Variants in TDRD12 observed in about 807,000 individuals in gnomAD.
TDRD12 encodes putative ATP-dependent RNA helicase TDRD12.
Under a neutral mutation model 133.5 loss-of-function variants are expected in TDRD12, and 158 were observed. The ratio of observed to expected loss-of-function variants is 1.18; its 90% CI spans 1.04 to 1.35. TDRD12 has a LOEUF of 1.35. Among genes scored for constraint, TDRD12 ranks in the 40% most tolerant of loss-of-function variants. The pLI, the probability that TDRD12 is intolerant of heterozygous loss-of-function variation, is 0.00. For missense variants in TDRD12, 1,443 were observed against 1,321.3 expected (o/e 1.09, Z -1.43); for synonymous variants, 460 against 477.9 (o/e 0.96, Z 0.49).
chr19:32,791,078 C>T lies in TDRD12; in HGVS notation c.1287+10C>T, dbSNP rs1971057392. The T allele has an allele frequency of 1.6e-5, 24 of 1,525,600 alleles. No individual in the cohort carries two copies. The East Asian group carries it at 5.6e-4, about 36-fold the overall frequency. The allele number at this position is 1,525,600 out of a possible 1,614,324, so 94.5% of individuals were successfully genotyped here. A position where few individuals can be genotyped will look rare whatever the true frequency, so the allele number is the denominator to read the frequency against. ...AGCAGACCTGAAGAAGGTAAAAGTG[C>T]TCGTAAAACTGAATTTATCAAGAAT... On this transcript the variant is annotated intron_variant, in intron 13 of 27. Coordinates refer to ENST00000444215, the Ensembl canonical transcript of TDRD12.
intron 13 of TDRD12, 45 bp downstream of exon 13, chr19:32,791,113 T>C: frequency 6.6e-7 from 1 of 1,508,024 alleles, no homozygotes; most frequent in Non-Finnish European, 8.8e-7. Context: ...TGCCAACTTT[T>C]TCTAATAGAG....
chr19:32,786,109 T>C (rs924430501), intron 11 of TDRD12, among the ~76,000 whole-genome samples: 3 of 152,224 alleles, frequency 2.0e-5, no homozygotes, highest in African/African-American at 7.2e-5. Context: ...TCAGGAGCTC[T>C]TGGAAGGCAG....
At chr19:32,731,833 A>T (rs1281429294) in exon 2 of TDRD12, 2 of 1,550,926 alleles carry the variant, frequency 1.3e-6, no homozygotes, top group African/African-American at 2.7e-5. Context: ...CTTCTACAAC[A>T]GCACGTGTCA....
chr19:32,728,354 T>C (rs1281638147), intron 1 of TDRD12, among the ~76,000 whole-genome samples: 1 of 152,152 alleles, frequency 6.6e-6, no homozygotes, highest in African/African-American at 2.4e-5. Flanking sequence ...TTGAGTAGGA[T>C]TGACATCTTA....
downstream of TDRD12, among the ~76,000 whole-genome samples, chr19:32,823,927 G>T (rs573404167): frequency 3.9e-5 from 6 of 152,200 alleles, no homozygotes; most frequent in Non-Finnish European, 8.8e-5. Flanking sequence ...GGGCCCTCGG[G>T]GGACGTCAGG....
chr19:32,744,146 C>T (rs1969518972), intron 4 of TDRD12, among the ~76,000 whole-genome samples: 1 of 151,812 alleles, frequency 6.6e-6, no homozygotes, highest in Non-Finnish European at 1.5e-5. Context: ...TTTAATCATT[C>T]CCCTCTGTGT....
At chr19:32,797,057 T>C (rs970520030) in intron 14 of TDRD12, among the ~76,000 whole-genome samples, 2 of 150,478 alleles carry the variant, frequency 1.3e-5, no homozygotes, top group African/African-American at 4.9e-5. Context: ...CTCGGCTCAC[T>C]GCAACCTCTG....
rs576209299 is a variant in TDRD12 at position 32,800,318 on chromosome 19, C to T, written c.1910C>T (p.Thr637Ile). ...ATGAATGATCCCTACATTGTGATCA[C>T]AGCCATGGAAGAGGCTGCTCTCTAT... The change falls in exon 17 of 28, where the codon ACA (threonine) becomes ATA (isoleucine). Residue 637 changes from threonine (T) to isoleucine (I), a missense_variant. Coordinates refer to ENST00000444215, the Ensembl canonical transcript of TDRD12. 1.0e-5 allele frequency: 16 copies of T among 1,526,674 alleles called. No homozygotes were observed. The East Asian group carries it at 3.9e-4, about 37-fold the overall frequency. The allele number at this position is 1,526,674 out of a possible 1,614,324, so 94.6% of individuals were successfully genotyped here.
At chr19:32,751,116 C>T (rs1444931533) in intron 6 of TDRD12, among the ~76,000 whole-genome samples, 1 of 148,280 alleles carries the variant, frequency 6.7e-6, no homozygotes, top group Non-Finnish European at 1.5e-5. Context: ...CCTCCCCACC[C>T]CCCGACAGGC....
chr19:32,745,022 A>G (rs1375232196), intron 4 of TDRD12, among the ~76,000 whole-genome samples: 1 of 152,164 alleles, frequency 6.6e-6, no homozygotes, highest in Non-Finnish European at 1.5e-5. Context: ...TGATGTGAGG[A>G]TAAGTCCCTG....
At chr19:32,769,023 G>A (rs1215998814) in intron 8 of TDRD12, among the ~76,000 whole-genome samples, 14 of 152,090 alleles carry the variant, frequency 9.2e-5, no homozygotes, top group Non-Finnish European at 7.4e-5. Context: ...GATTATAGGT[G>A]CAAGCCACTG....
chr19:32,770,708 C>T (rs1970419798), intron 8 of TDRD12, among the ~76,000 whole-genome samples: 1 of 152,106 alleles, frequency 6.6e-6, no homozygotes, highest in Non-Finnish European at 1.5e-5. Context: ...CCTTTCTGTG[C>T]TTGCTTTTCC....
At chr19:32,745,995 TGTGTGA>T (rs1334692290) in intron 4 of TDRD12, among the ~76,000 whole-genome samples, 7 of 112,358 alleles carry the variant, frequency 6.2e-5, no homozygotes, top group East Asian at 3.1e-4. Flanking sequence ...TGTGTGTGTG[TGTGTGA>T]GAGAGAGAAG....
intron 13 of TDRD12, among the ~76,000 whole-genome samples, chr19:32,791,943 CT>C (rs1178898161): frequency 2.1e-5 from 2 of 96,844 alleles, no homozygotes; most frequent in African/African-American, 9.7e-5. Context: ...AAGCCTTCAC[CT>C]TAAAAAAAAA....
intron 1 of TDRD12, among the ~76,000 whole-genome samples, chr19:32,724,646 C>A (rs1452032854): frequency 1.3e-5 from 2 of 152,132 alleles, no homozygotes; most frequent in Non-Finnish European, 2.9e-5. Context: ...TGGGTTGATT[C>A]CATGTCTTTG....
At chr19:32,771,564 G>A (rs867984218) in intron 8 of TDRD12, among the ~76,000 whole-genome samples, 3 of 149,846 alleles carry the variant, frequency 2.0e-5, no homozygotes, top group Admixed American at 1.3e-4. Flanking sequence ...ATCGTCAGAT[G>A]TGGATATTTC....
intron 1 of TDRD12, among the ~76,000 whole-genome samples, chr19:32,724,048 A>G (rs892177712): frequency 2.0e-5 from 3 of 151,932 alleles, no homozygotes; most frequent in African/African-American, 7.3e-5. Flanking sequence ...TTTTAGAGAC[A>G]GGGTCTCACT....
chr19:32,776,893 T>C (rs1408705150), intron 10 of TDRD12, among the ~76,000 whole-genome samples: 1 of 152,192 alleles, frequency 6.6e-6, no homozygotes, highest in African/African-American at 2.4e-5. Flanking sequence ...TTCACAATTT[T>C]TCATTTTTTT....
chr19:32,732,976 A>ACAC, intron 2 of TDRD12, among the ~76,000 whole-genome samples: 1 of 152,014 alleles, frequency 6.6e-6, no homozygotes, highest in Non-Finnish European at 1.5e-5. Flanking sequence ...AGTTTTGTGA[A>ACAC]CAGCCTGGGC....
Sources: gnomAD v4.1 joint callset for allele counts (sites outside exome capture counted in the v4.1 genomes callset) on GRCh38, gnomAD v4.1.1 for gene constraint, MANE v1.5 for transcripts, NCBI Gene and HGNC (gene_info 2026-07-23, HGNC 2026-07-21) for gene names.